The following SPIDR variants were observed in gnomAD, a reference collection of about 807,000 sequenced individuals.
SPIDR encodes the protein DNA repair-scaffolding protein.
A neutral mutation model predicts 104.6 loss-of-function variants in SPIDR; 93 were observed. That is an observed-to-expected ratio of 0.89 (90% CI 0.75 to 1.06). The LOEUF (loss-of-function observed/expected upper bound fraction) is 1.06. Ranked by LOEUF, SPIDR falls within the 50% of genes least tolerant of loss-of-function variation. The pLI, the probability that SPIDR is intolerant of heterozygous loss-of-function variation, is 0.00. For synonymous variants in SPIDR, 431 were observed against 416.9 expected (o/e 1.03, Z -0.41); for missense variants, 1,154 against 1,111.2 (o/e 1.04, Z -0.55).
At chr8:47,344,882 G>A (rs541207914) in intron 5 of SPIDR, among the ~76,000 whole-genome samples, 1 of 152,190 alleles carries the variant, frequency 6.6e-6, no homozygotes, top group Admixed American at 6.5e-5. Flanking sequence ...TTTTTCAGAT[G>A]GATAGATTGC....
At chr8:47,311,386 A>G (rs1554584936) in intron 5 of SPIDR, among the ~76,000 whole-genome samples, 1 of 152,206 alleles carries the variant, frequency 6.6e-6, no homozygotes, top group East Asian at 1.9e-4. Flanking sequence ...AAAATTCTGG[A>G]GAAATTATGG....
At chr8:47,594,196 C>CAA (rs372928071) in intron 8 of SPIDR, among the ~76,000 whole-genome samples, 54 of 53,544 alleles carry the variant, frequency 1.0e-3, no homozygotes, top group African/African-American at 2.5e-3. Context: ...CCAGTCTCTA[C>CAA]AAAAAAAAAA....
At chr8:47,450,315 C>CT (rs1300299953) in intron 8 of SPIDR, among the ~76,000 whole-genome samples, 1 of 152,170 alleles carries the variant, frequency 6.6e-6, no homozygotes, top group African/African-American at 2.4e-5. Flanking sequence ...GGGAGCCAAA[C>CT]TTGCTTTTAT....
chr8:47,659,417 A>G (rs2073631276), intron 10 of SPIDR, among the ~76,000 whole-genome samples: 1 of 152,270 alleles, frequency 6.6e-6, no homozygotes, highest in African/African-American at 2.4e-5. Context: ...TGAATAAAAA[A>G]CATTTCTGTG....
chr8:47,418,101 A>G (rs1337968736), intron 7 of SPIDR, among the ~76,000 whole-genome samples: 1 of 152,198 alleles, frequency 6.6e-6, no homozygotes, highest in Non-Finnish European at 1.5e-5. Flanking sequence ...TGACCTGGCA[A>G]TGCGGGCTCT....
At chr8:47,384,651 G>A (rs571519359) in intron 5 of SPIDR, among the ~76,000 whole-genome samples, 18 of 152,234 alleles carry the variant, frequency 1.2e-4, no homozygotes, top group African/African-American at 3.6e-4. Context: ...GAGGCGGTTC[G>A]CTCTGAGCAG....
intron 8 of SPIDR, among the ~76,000 whole-genome samples, chr8:47,502,733 T>C (rs1260352587): frequency 6.6e-6 from 1 of 152,236 alleles, no homozygotes; most frequent in African/African-American, 2.4e-5. Flanking sequence ...GATGTTAGGG[T>C]GTCAATTTTA....
chr8:47,621,507 G>A (rs528388465), intron 10 of SPIDR, among the ~76,000 whole-genome samples: 6 of 152,222 alleles, frequency 3.9e-5, no homozygotes, highest in East Asian at 1.9e-4. Flanking sequence ...TATTGTGCGC[G>A]CCTCTCTCTT....
At chr8:47,309,988 G>A (rs781930868) in intron 5 of SPIDR, among the ~76,000 whole-genome samples, 3 of 150,920 alleles carry the variant, frequency 2.0e-5, no homozygotes, top group South Asian at 2.1e-4. Context: ...GCTGTGAGCC[G>A]GGATTGCACC....
chr8:47,605,519 C>G (rs2171852), intron 10 of SPIDR, among the ~76,000 whole-genome samples: 1 of 152,152 alleles, frequency 6.6e-6, no homozygotes, highest in African/African-American at 2.4e-5. Flanking sequence ...CTCTTGTTTC[C>G]TAATGTGTAT....
At chr8:47,599,270 C>T (rs1407592415) in intron 10 of SPIDR, 74 bp downstream of exon 10, 32 of 1,561,410 alleles carry the variant, frequency 2.0e-5, no homozygotes, top group Non-Finnish European at 2.7e-5. Flanking sequence ...AGTGGAGCCT[C>T]TTCTCAGAGC....
At chr8:47,707,107 A>G (rs1408931170) in intron 14 of SPIDR, among the ~76,000 whole-genome samples, 1 of 151,952 alleles carries the variant, frequency 6.6e-6, no homozygotes. Flanking sequence ...ACAAAAAATT[A>G]GCTGGGTATG....
rs902859284 is a variant in SPIDR at position 47,658,423 on chromosome 8, A to C, written c.1545-15378A>C. The stretch of plus-strand genomic sequence containing the variant: ...ACAAGAGAGAAACTCCATCTCAAAA[A>C]AAAAAAAATAGTTCGATATTCACCG... On this transcript the variant is annotated intron_variant, in intron 10 of 19. Coordinates refer to ENST00000297423, the MANE Select transcript of SPIDR (RefSeq NM_001080394.4). Among the ~76,000 whole-genome samples the C allele has an allele frequency of 6.6e-5, 10 of 152,064 alleles. No homozygotes were observed. In the East Asian group the frequency reaches 1.9e-3, roughly 30 times the overall value.
chr8:47,563,792 A>G (rs906281389), intron 8 of SPIDR, among the ~76,000 whole-genome samples: 7 of 152,216 alleles, frequency 4.6e-5, no homozygotes, highest in African/African-American at 1.7e-4. Context: ...TTTTTAAGTC[A>G]GGTATTTGAG....
intron 10 of SPIDR, among the ~76,000 whole-genome samples, chr8:47,629,919 T>C (rs2066793187): frequency 6.6e-6 from 1 of 152,260 alleles, no homozygotes; most frequent in South Asian, 2.1e-4. Context: ...ACTTTTTTAC[T>C]ATAGTTCCAA....
rs1013216770 is a variant in SPIDR, at chr8:47,688,575, G to A, written c.1686-11828G>A. 8.5e-5 allele frequency: 13 copies of A among 152,182 alleles called. 1 individual carries two copies. Among genetic ancestry groups the A allele is most frequent in the Non-Finnish European group, 1.8e-4 (12 of 68,032 alleles). 9.4% of individuals were successfully genotyped at this position (152,182 alleles called of 1,614,324 possible). ...TCTTCTGTCTATTGCAGGTAGCTCC[G>A]GTTTATTCGTTTTCATTCCATTTTA... On this transcript the variant is annotated intron_variant, in intron 11 of 19. Coordinates refer to ENST00000297423, the MANE Select transcript of SPIDR (RefSeq NM_001080394.4).
chr8:47,732,339 C>T, intron 19 of SPIDR: 2 of 637,204 alleles, frequency 3.1e-6, no homozygotes, highest in South Asian at 1.8e-5. Flanking sequence ...GCACCTTTGC[C>T]CATGCCCGTG....
chr8:47,576,074 A>T (rs1274433783), intron 8 of SPIDR, among the ~76,000 whole-genome samples: 2 of 151,560 alleles, frequency 1.3e-5, no homozygotes, highest in East Asian at 3.9e-4. Flanking sequence ...TACAATAGGC[A>T]TATTATAAAT....
intron 7 of SPIDR, among the ~76,000 whole-genome samples, chr8:47,418,159 G>A (rs1243970133): frequency 6.6e-6 from 1 of 152,188 alleles, no homozygotes; most frequent in Non-Finnish European, 1.5e-5. Flanking sequence ...ATTCTGTGAT[G>A]AAAGTCATTG....
Sources: gnomAD v4.1 joint callset for allele counts (sites outside exome capture counted in the v4.1 genomes callset) on GRCh38, gnomAD v4.1.1 for gene constraint, MANE v1.5 for transcripts, NCBI Gene and HGNC (gene_info 2026-07-23, HGNC 2026-07-21) for gene names.